CALN1: variants seen among roughly 807,000 people sequenced by gnomAD.
The protein encoded by CALN1 is calcium-binding protein 8.
Under a neutral mutation model 30.6 loss-of-function variants are expected in CALN1, and 17 were observed. The observed-to-expected ratio is 0.56, with a 90% confidence interval of 0.38 to 0.83. CALN1 has a LOEUF of 0.83. Among genes scored for constraint, CALN1 ranks in the 40% least tolerant of loss-of-function variants. The pLI, the probability that CALN1 is intolerant of heterozygous loss-of-function variation, is 0.00. For synonymous variants in CALN1, 156 were observed against 131.4 expected (o/e 1.19, Z -1.28); for missense variants, 291 against 354.9 (o/e 0.82, Z 1.45).
At chr7:72,244,483 A>C (rs1294572597) in intron 3 of CALN1, among the ~76,000 whole-genome samples, 1 of 152,178 alleles carries the variant, frequency 6.6e-6, no homozygotes, top group Non-Finnish European at 1.5e-5. Flanking sequence ...TATATAAACA[A>C]GAAAACAGAA....
intron 2 of CALN1, among the ~76,000 whole-genome samples, chr7:72,348,896 T>C (rs1463357723): frequency 6.6e-6 from 1 of 152,070 alleles, no homozygotes; most frequent in African/African-American, 2.4e-5. Context: ...ACACCCACAG[T>C]GTCCATGGAA....
intron 3 of CALN1, among the ~76,000 whole-genome samples, chr7:72,184,430 TTA>T (rs1790039527): frequency 6.6e-6 from 1 of 152,224 alleles, no homozygotes; most frequent in Non-Finnish European, 1.5e-5. Context: ...ATTTTCATAT[TTA>T]TGAGTTCATA....
chr7:71,900,480 T>C (rs1793788531), intron 5 of CALN1, among the ~76,000 whole-genome samples: 1 of 152,212 alleles, frequency 6.6e-6, no homozygotes, highest in South Asian at 2.1e-4. Context: ...ACAAAGTCAA[T>C]GTAGAAGAAT....
rs1047688776 is a variant in CALN1, at chr7:71,779,700, T to A, written c.*8075A>T. 1 of 152,198 alleles carries A rather than the reference T, an allele frequency of 6.6e-6. No individual in the cohort carries two copies. Among genetic ancestry groups the A allele is most frequent in the African/African-American group, 2.4e-5 (1 of 41,444 alleles). The allele number at this position is 152,198 out of a possible 1,614,324, so 9.4% of individuals were successfully genotyped here. ...CATGCTAAGTTAATTTATATTAATA[T>A]GTACATTTTATATAAAGATTCTTTT... On this transcript the variant is annotated 3_prime_UTR_variant, in exon 7 of 7. Coordinates refer to ENST00000395275, the MANE Select transcript of CALN1 (RefSeq NM_031468.4).
At chr7:72,447,533 A>T (rs1562972274), upstream of CALN1, among the ~76,000 whole-genome samples, 1 of 152,122 alleles carries the variant, frequency 6.6e-6, no homozygotes, top group Non-Finnish European at 1.5e-5. Flanking sequence ...CCCTCTTCAG[A>T]CACGGGGCTG....
chr7:71,847,097 A>G (rs1178223410), intron 5 of CALN1, among the ~76,000 whole-genome samples: 1 of 151,676 alleles, frequency 6.6e-6, no homozygotes, highest in Non-Finnish European at 1.5e-5. Context: ...TTCCAGCCCA[A>G]AGGGTGGCAG....
At chr7:72,096,830 A>C (rs574090905) in intron 4 of CALN1, among the ~76,000 whole-genome samples, 1 of 152,320 alleles carries the variant, frequency 6.6e-6, no homozygotes, top group Admixed American at 6.5e-5. Context: ...AAGGATTATA[A>C]ATCATGCTGC....
At chr7:72,445,622 G>T (rs777162402) in intron 1 of CALN1, among the ~76,000 whole-genome samples, 3 of 152,116 alleles carry the variant, frequency 2.0e-5, no homozygotes, top group Admixed American at 2.0e-4. Flanking sequence ...TCCATCAAGC[G>T]CTTCACTCAT....
At chr7:72,327,565 C>A (rs950375149) in intron 2 of CALN1, among the ~76,000 whole-genome samples, 3 of 152,192 alleles carry the variant, frequency 2.0e-5, no homozygotes, top group African/African-American at 7.2e-5. Context: ...TTAGTTGTAA[C>A]AAATATGACA....
chr7:71,894,884 T>G (rs779302510), intron 5 of CALN1, among the ~76,000 whole-genome samples: 24 of 152,214 alleles, frequency 1.6e-4, no homozygotes, highest in Non-Finnish European at 3.2e-4. Flanking sequence ...AAATGAAGTT[T>G]CCATATTTCT....
chr7:71,787,976 T>C (rs1793075950), intron 6 of CALN1, 74 bp from the exon 7 acceptor site: 1 of 1,594,516 alleles, frequency 6.3e-7, no homozygotes, highest in African/African-American at 1.3e-5. Flanking sequence ...AATAACACAG[T>C]GAGATAGGTT....
At chr7:71,900,679 G>C (rs1265412078) in intron 5 of CALN1, among the ~76,000 whole-genome samples, 1 of 152,194 alleles carries the variant, frequency 6.6e-6, no homozygotes, top group Non-Finnish European at 1.5e-5. Context: ...AGGGGGCTAG[G>C]GCAGATGTCT....
chr7:71,870,944 A>G lies in CALN1; in HGVS notation c.502-60452T>C, dbSNP rs150166077. On this transcript the variant is annotated intron_variant, in intron 5 of 6. Transcript: ENST00000395275. ...GTCCCACCATACACTTCCTATAGGC[A>G]AGGGACGTGTTTTCTACATATTCAG... Among the ~76,000 whole-genome samples, 729 of 152,252 alleles carry G rather than the reference A, an allele frequency of 4.8e-3. 9 individuals carry two copies. The highest frequency in any genetic ancestry group is 0.015 in the African/African-American group (628 of 41,542).
chr7:72,080,869 G>C (rs533069771), intron 4 of CALN1, among the ~76,000 whole-genome samples: 2 of 152,098 alleles, frequency 1.3e-5, no homozygotes, highest in African/African-American at 2.4e-5. Context: ...GTTAGTGTGC[G>C]TATTACAGAG....
At chr7:72,048,419 C>T (rs864600) in intron 4 of CALN1, among the ~76,000 whole-genome samples, 1 of 152,040 alleles carries the variant, frequency 6.6e-6, no homozygotes, top group East Asian at 2.0e-4. Flanking sequence ...TAGAGCAGCA[C>T]CTGCATGTGA....
chr7:72,182,761 C>A (rs555763609), intron 3 of CALN1, among the ~76,000 whole-genome samples: 1 of 127,378 alleles, frequency 7.9e-6, no homozygotes, highest in African/African-American at 3.1e-5. Flanking sequence ...AAAATTCTAC[C>A]AATGTTGTAA....
At chr7:72,325,004 T>C (rs1309681563) in intron 2 of CALN1, among the ~76,000 whole-genome samples, 2 of 152,138 alleles carry the variant, frequency 1.3e-5, no homozygotes, top group Admixed American at 6.5e-5. Flanking sequence ...AATTTCAGCG[T>C]TTACTTAAAG....
At chr7:71,790,489 G>A (rs1793318298) in intron 6 of CALN1, among the ~76,000 whole-genome samples, 2 of 152,162 alleles carry the variant, frequency 1.3e-5, no homozygotes, top group South Asian at 2.1e-4. Context: ...ATTACCTAAG[G>A]GGAAACTGAG....
intron 4 of CALN1, among the ~76,000 whole-genome samples, chr7:72,036,943 GTTA>G (rs201740877): frequency 0.011 from 1,651 of 151,544 alleles, 16 homozygotes; most frequent in Non-Finnish European, 0.012. Flanking sequence ...TTTATTTTTT[GTTA>G]TTATTTTTGT....
Sources: gnomAD v4.1 joint callset for allele counts (sites outside exome capture counted in the v4.1 genomes callset) on GRCh38, gnomAD v4.1.1 for gene constraint, MANE v1.5 for transcripts, NCBI Gene and HGNC (gene_info 2026-07-23, HGNC 2026-07-21) for gene names.